The following NR3C2 variants were observed in gnomAD, a reference collection of about 807,000 sequenced individuals.
NR3C2 encodes the protein mineralocorticoid receptor.
Under a neutral mutation model 86.4 loss-of-function variants are expected in NR3C2, and 15 were observed. The observed-to-expected ratio is 0.17, with a 90% confidence interval of 0.12 to 0.27. The LOEUF is 0.27. Ranked by LOEUF, NR3C2 falls within the 10% of genes least tolerant of loss-of-function variation. The probability of loss-of-function intolerance (pLI) is 1.00; values close to 1 mark genes in which losing one functional copy is unlikely to be tolerated. For missense variants in NR3C2, 960 were observed against 1,195.6 expected (o/e 0.80, Z 2.91); for synonymous variants, 458 against 450.5 (o/e 1.02, Z -0.21).
intron 2 of NR3C2, among the ~76,000 whole-genome samples, chr4:148,341,127 A>G (rs1050143371): frequency 3.3e-5 from 5 of 152,182 alleles, no homozygotes; most frequent in African/African-American, 9.6e-5. Flanking sequence ...AAATCAGTGT[A>G]TCAGAGATAT....
At position 148,373,297 on chromosome 4, in the gene NR3C2, C is replaced by T. The variant is rs1416314799; in HGVS notation, c.1757+61807G>A. Among the ~76,000 whole-genome samples the T allele has an allele frequency of 3.3e-5, 5 of 152,152 alleles. No individual in the cohort carries two copies. In the East Asian group the frequency reaches 9.7e-4, roughly 29 times the overall value. On this transcript the variant is annotated intron_variant, in intron 2 of 8. Transcript: ENST00000358102. ...ACCTTCTTAGGCAGTCTTGCACAAT[C>T]TCACCTATTGAAATCCATTGTTCCA...
chr4:148,287,982 A>G (rs1033698246), intron 2 of NR3C2, among the ~76,000 whole-genome samples: 2 of 152,178 alleles, frequency 1.3e-5, no homozygotes, highest in African/African-American at 4.8e-5. Context: ...TTAACTAACT[A>G]TATTCTTCAT....
At chr4:148,316,922 C>G (rs962658594) in intron 2 of NR3C2, among the ~76,000 whole-genome samples, 12 of 152,048 alleles carry the variant, frequency 7.9e-5, no homozygotes. Flanking sequence ...CTGCCTAGGC[C>G]TCCTGAGTAG....
chr4:148,351,534 T>C (rs569591056), intron 2 of NR3C2, among the ~76,000 whole-genome samples: 4 of 152,258 alleles, frequency 2.6e-5, no homozygotes, highest in Admixed American at 2.0e-4. Flanking sequence ...TGCCCTACCA[T>C]TGACCTTTGT....
chr4:148,185,615 C>T (rs548023833), intron 4 of NR3C2, among the ~76,000 whole-genome samples: 159 of 152,220 alleles, frequency 1.0e-3, no homozygotes, highest in Admixed American at 2.4e-3. Flanking sequence ...TTTTCCTTAT[C>T]GCATCTTCTA....
At chr4:148,241,669 A>G (rs1739055256) in intron 3 of NR3C2, among the ~76,000 whole-genome samples, 1 of 151,772 alleles carries the variant, frequency 6.6e-6, no homozygotes, top group Non-Finnish European at 1.5e-5. Flanking sequence ...CACCCATTCT[A>G]TTTTACCTGT....
At chr4:148,336,887 G>A (rs575365506) in intron 2 of NR3C2, among the ~76,000 whole-genome samples, 11 of 152,202 alleles carry the variant, frequency 7.2e-5, no homozygotes, top group Admixed American at 7.2e-4. Context: ...CAACTCCCAG[G>A]CTCAAGCAAT....
chr4:148,263,194 C>A (rs1740215968), intron 2 of NR3C2, among the ~76,000 whole-genome samples: 1 of 152,210 alleles, frequency 6.6e-6, no homozygotes, highest in Admixed American at 6.5e-5. Flanking sequence ...CAGCTCCAAC[C>A]TCTACCCCGT....
intron 3 of NR3C2, among the ~76,000 whole-genome samples, chr4:148,219,944 A>G (rs1215817492): frequency 2.0e-5 from 3 of 152,150 alleles, no homozygotes; most frequent in African/African-American, 4.8e-5. Flanking sequence ...TTTGTTTGAG[A>G]CAGAGTCTCA....
intron 8 of NR3C2, among the ~76,000 whole-genome samples, chr4:148,104,239 G>T (rs1212656674): frequency 1.3e-5 from 2 of 151,684 alleles, no homozygotes; most frequent in Non-Finnish European, 2.9e-5. Flanking sequence ...CAATGAGTAA[G>T]ATCTCCCATG....
At chr4:148,275,338 G>C (rs546374485) in intron 2 of NR3C2, among the ~76,000 whole-genome samples, 1 of 152,062 alleles carries the variant, frequency 6.6e-6, no homozygotes, top group Admixed American at 6.6e-5. Flanking sequence ...GTCTAAAAGG[G>C]CTTACTTTTA....
chr4:148,104,656 G>T (rs960399153), intron 8 of NR3C2, among the ~76,000 whole-genome samples: 3 of 152,246 alleles, frequency 2.0e-5, no homozygotes, highest in Non-Finnish European at 4.4e-5. Context: ...TTATTTCATT[G>T]TCACCTGAGC....
In NR3C2 at chr4:148,137,356, G is replaced by T. The variant is rs80321627; in HGVS notation, c.2510+15113C>A. The stretch of plus-strand genomic sequence containing the variant: ...TAGGTAATTTATTGGATCTCTCTCT[G>T]CCAAGGCAGCTGCATCATTTATGAA... On this transcript the variant is annotated intron_variant, in intron 6 of 8. Coordinates refer to ENST00000358102, the MANE Select transcript of NR3C2 (RefSeq NM_000901.5). Among the ~76,000 whole-genome samples, 930 of 152,200 alleles carry T rather than the reference G, an allele frequency of 6.1e-3. 16 individuals carry two copies. Among genetic ancestry groups the T allele is most frequent in the African/African-American group, 0.021 (885 of 41,522 alleles).
intron 2 of NR3C2, among the ~76,000 whole-genome samples, chr4:148,321,619 T>C (rs1043967264): frequency 6.6e-6 from 1 of 152,200 alleles, no homozygotes; most frequent in African/African-American, 2.4e-5. Context: ...ATTGATCCTT[T>C]TACCATTATG....
At chr4:148,178,389 A>T (rs1735482064) in intron 4 of NR3C2, among the ~76,000 whole-genome samples, 1 of 151,820 alleles carries the variant, frequency 6.6e-6, no homozygotes, top group Non-Finnish European at 1.5e-5. Flanking sequence ...TCGCTTTGAT[A>T]ATCTGCTTAT....
intron 4 of NR3C2, among the ~76,000 whole-genome samples, chr4:148,178,008 A>G (rs1560961861): frequency 6.6e-6 from 1 of 152,212 alleles, no homozygotes; most frequent in Non-Finnish European, 1.5e-5. Context: ...GTGTGTTTTC[A>G]AAGTAGGCAT....
chr4:148,435,136 C>T lies in NR3C2; in HGVS notation c.1725G>A (p.Pro575=), dbSNP rs768118618. The T allele has an allele frequency of 1.2e-5, 19 of 1,613,994 alleles. No individual in the cohort carries two copies. The highest frequency in any genetic ancestry group is 8.8e-5 in the South Asian group (8 of 91,084). ...CATTTTCTGGAATGTATTCTAAGAC[C>T]GGATACCCATCACTTCTTCTAGACG... is the stretch of plus-strand genomic sequence containing the variant. The part of the protein sequence containing the change: ...DLSSRRSDGY[P]VLEYIPENVS... Residue 575 remains proline, a synonymous_variant, in exon 2 of 9, where the codon CCG becomes CCA. Coordinates refer to ENST00000358102, the MANE Select transcript of NR3C2 (RefSeq NM_000901.5).
chr4:148,399,158 C>T (rs898602655), intron 2 of NR3C2, among the ~76,000 whole-genome samples: 4 of 152,200 alleles, frequency 2.6e-5, no homozygotes, highest in Non-Finnish European at 5.9e-5. Flanking sequence ...AAACAGTGGC[C>T]TCTTGCCTCT....
rs567491837 is a variant in NR3C2, at chr4:148,299,738, A to C, written c.1758-39621T>G. ...AGGTTCTTCCCCATGGCATCTTTCC[A>C]AACCTGCAGTTCCGGCTGATTTTTA... On this transcript the variant is annotated intron_variant, in intron 2 of 8. Transcript: ENST00000358102. 2.6e-5 allele frequency among the ~76,000 whole-genome samples: 4 copies of C among 152,364 alleles called. No individual in the cohort carries two copies. In the South Asian group the frequency reaches 6.2e-4, roughly 24 times the overall value.
Sources: gnomAD v4.1 joint callset for allele counts (sites outside exome capture counted in the v4.1 genomes callset) on GRCh38, gnomAD v4.1.1 for gene constraint, MANE v1.5 for transcripts, NCBI Gene and HGNC (gene_info 2026-07-23, HGNC 2026-07-21) for gene names.